ITGA2: variants seen among roughly 807,000 people sequenced by gnomAD.
ITGA2 encodes integrin subunit alpha 2.
Under a neutral mutation model 146.3 loss-of-function variants are expected in ITGA2, and 101 were observed. The observed-to-expected ratio is 0.69, with a 90% confidence interval of 0.59 to 0.81. ITGA2 has a LOEUF of 0.81. Ranked by LOEUF, ITGA2 falls within the 40% of genes least tolerant of loss-of-function variation. The pLI is 0.00. For missense variants in ITGA2, 1,281 were observed against 1,402.7 expected, an observed-to-expected ratio of 0.91 and a Z score of 1.39; for synonymous variants, 477 against 487.1, an observed-to-expected ratio of 0.98 and a Z score of 0.27.
chr5:53,017,281 G>C (rs1742437596), intron 1 of ITGA2, among the ~76,000 whole-genome samples: 1 of 152,144 alleles, frequency 6.6e-6, no homozygotes, highest in South Asian at 2.1e-4. Flanking sequence ...TATCTTCTTT[G>C]ATGCACTTGG....
At position 53,081,596 on chromosome 5, in the gene ITGA2, G is replaced by A. The variant is rs773817683; in HGVS notation, c.3044G>A (p.Gly1015Asp). 3 of 1,607,680 alleles carry A rather than the reference G, an allele frequency of 1.9e-6. No homozygotes were observed. The highest frequency in any genetic ancestry group is 3.3e-5 in the Admixed American group (2 of 59,902). The change falls in exon 26 of 30, where the codon GGT becomes GAT. Residue 1015 changes from glycine to aspartate, a missense_variant. Gly to Asp is a moderately conservative substitution (Grantham distance 94). Around this residue, in one of 3 missense-constraint regions of ITGA2, gnomAD observed 475 missense variants for 530.5 expected, o/e 0.90. Transcript: ENST00000296585. ...TCGGGTGTTCTTCTTTTATAGGCTG[G>A]TGACATCAGTTGTAATGCAGATATC... ...YLTGVQTDKAGDISCNADINP... is the reference protein window; with the variant it reads ...YLTGVQTDKADDISCNADINP...
At chr5:53,088,511 A>C (rs10058715) in intron 28 of ITGA2, among the ~76,000 whole-genome samples, 16,860 of 151,832 alleles carry the variant, frequency 0.11, 1,141 homozygotes, top group African/African-American at 0.18. Context: ...CATAGTGAAA[A>C]CCTGTCTCTA....
intron 26 of ITGA2, 123 bp downstream of exon 26, chr5:53,081,819 T>A: frequency 1.5e-6 from 1 of 677,966 alleles, no homozygotes; most frequent in Non-Finnish European, 2.6e-6. Flanking sequence ...GATGCTTATA[T>A]GAGTCAAGAT....
At chr5:53,002,807 A>G (rs1399597099) in intron 1 of ITGA2, among the ~76,000 whole-genome samples, 2 of 152,150 alleles carry the variant, frequency 1.3e-5, no homozygotes, top group African/African-American at 2.4e-5. Context: ...GAATTTACCA[A>G]TTTCATCAGC....
intron 7 of ITGA2, among the ~76,000 whole-genome samples, chr5:53,054,298 A>G (rs973675937): frequency 9.2e-5 from 14 of 152,170 alleles, no homozygotes; most frequent in African/African-American, 3.4e-4. Context: ...TACTTCATAT[A>G]AATTCATTTA....
chr5:53,008,464 T>G (rs1741966086), intron 1 of ITGA2, among the ~76,000 whole-genome samples: 1 of 151,744 alleles, frequency 6.6e-6, no homozygotes, highest in Admixed American at 6.6e-5. Context: ...ATTCAGTTTG[T>G]AACACCCCCT....
Position 53,092,550 on chromosome 5 carries a change from C to T in ITGA2, c.*1951C>T. 6.6e-6 allele frequency: 1 copy of T among 151,844 alleles called. No homozygotes were observed. Among genetic ancestry groups the T allele is most frequent in the South Asian group, 2.1e-4 (1 of 4,812 alleles). The allele number at this position is 151,844 out of a possible 1,614,324, so 9.4% of individuals were successfully genotyped here. A position where few individuals can be genotyped will look rare whatever the true frequency, so the allele number is the denominator to read the frequency against. On this transcript the variant is annotated 3_prime_UTR_variant, in exon 30 of 30. Transcript: ENST00000296585. ...ATAGAAAAAACAGCATGGTATTCTC[C>T]AGTTAGGTATGCCAGAGTCCAATTC...
intron 27 of ITGA2, among the ~76,000 whole-genome samples, chr5:53,084,895 G>C (rs1579909881): frequency 6.6e-6 from 1 of 152,286 alleles, no homozygotes; most frequent in Non-Finnish European, 1.5e-5. Context: ...ACTTTTTAAA[G>C]TACCTTCCCA....
intron 1 of ITGA2, among the ~76,000 whole-genome samples, chr5:52,998,576 G>A (rs569215358): frequency 5.3e-5 from 8 of 152,134 alleles, no homozygotes; most frequent in African/African-American, 1.9e-4. Context: ...TCTGTGCATC[G>A]TTTAAATCTT....
At chr5:52,998,687 T>C (rs1741407573) in intron 1 of ITGA2, among the ~76,000 whole-genome samples, 1 of 152,206 alleles carries the variant, frequency 6.6e-6, no homozygotes, top group Non-Finnish European at 1.5e-5. Flanking sequence ...TGTTACATTC[T>C]ATTTCAATAA....
chr5:53,075,150 G>T lies in ITGA2; in HGVS notation c.2741+13G>T. The T allele has an allele frequency of 6.2e-7, 1 of 1,607,208 alleles. No individual in the cohort carries two copies. On this transcript the variant is annotated intron_variant, in intron 22 of 29. Coordinates refer to ENST00000296585, the MANE Select transcript of ITGA2 (RefSeq NM_002203.4). ...TCCAAGCCTTAAGGTAAAACATAAT[G>T]AAGTCATGAATGGAATGATGGATAG...
At chr5:53,046,697 AGAG>A (rs1036818428) in intron 4 of ITGA2, among the ~76,000 whole-genome samples, 8 of 151,776 alleles carry the variant, frequency 5.3e-5, no homozygotes, top group African/African-American at 7.3e-5. Flanking sequence ...AGAAAGAGAG[AGAG>A]GAGGAGAAAG....
chr5:53,083,491 A>T, intron 27 of ITGA2, 38 bp downstream of exon 27: 2 of 1,207,378 alleles, frequency 1.7e-6, no homozygotes, highest in Non-Finnish European at 2.5e-6. Context: ...TATCAATAGC[A>T]AGGAAACATA....
chr5:53,048,255 T>C, intron 4 of ITGA2, 108 bp from the exon 5 acceptor site: 1 of 845,184 alleles, frequency 1.2e-6, no homozygotes, highest in Non-Finnish European at 2.0e-6. Context: ...TTGACAATTA[T>C]TAGTATCTTA....
In ITGA2 at chr5:53,090,507, T is replaced by C; in HGVS notation, c.3466-12T>C. ...CACGGGTGGTAACATTCTTATATCA[T>C]CACCTTTACAGCTCGGCTTCTTCAA... On this transcript the variant is annotated splice_polypyrimidine_tract_variant and intron_variant, in intron 29 of 29. Transcript: ENST00000296585. 1.2e-6 allele frequency: 2 copies of C among 1,612,552 alleles called. No individual in the cohort carries two copies. The highest frequency in any genetic ancestry group is 1.7e-6 in the Non-Finnish European group (2 of 1,178,730).
chr5:53,062,866 A>C lies in ITGA2; in HGVS notation c.1539A>C (p.Ala513=). Residue 513 remains alanine, a synonymous_variant, in exon 13 of 30, where the codon GCA becomes GCC. Coordinates refer to ENST00000296585, the MANE Select transcript of ITGA2 (RefSeq NM_002203.4). ...DTITDVLLVG[A]PMYMSDLKKE... is the part of the protein sequence containing the mutation. ...TTACAGACGTGCTCTTGGTAGGTGC[A>C]CCAATGTACATGAGTGACCTAAAGA... 1 of 1,611,758 alleles carries C rather than the reference A, an allele frequency of 6.2e-7. No homozygotes were observed. The highest frequency in any genetic ancestry group is 8.5e-7 in the Non-Finnish European group (1 of 1,178,460).
At chr5:53,031,554 A>G (rs1472867238) in intron 2 of ITGA2, among the ~76,000 whole-genome samples, 1 of 152,184 alleles carries the variant, frequency 6.6e-6, no homozygotes, top group Non-Finnish European at 1.5e-5. Context: ...TTATGGGCAT[A>G]TTTACATCAG....
At chr5:53,029,231 C>T (rs1743106364) in intron 2 of ITGA2, among the ~76,000 whole-genome samples, 1 of 152,174 alleles carries the variant, frequency 6.6e-6, no homozygotes, top group Admixed American at 6.5e-5. Context: ...AAGATCAAGC[C>T]ACTGCACTCT....
In ITGA2 at chr5:53,048,653, C is replaced by G. The variant is rs748243210; in HGVS notation, c.513C>G (p.Ser171=). 6.2e-7 allele frequency: 1 copy of G among 1,613,950 alleles called. No individual in the cohort carries two copies. Among genetic ancestry groups the G allele is most frequent in the African/African-American group, 1.3e-5 (1 of 74,914 alleles). ...SFSPATQPCP[S]LIDVVVVCDE... Reference sequence around the variant, plus strand: ...TCTTTTCCTGTGTAGCCTGCCCTTCCCTCATAGATGTTGTGGTTGTGTGTG... The same window carrying G: ...TCTTTTCCTGTGTAGCCTGCCCTTCGCTCATAGATGTTGTGGTTGTGTGTG... Residue 171 remains serine, a synonymous_variant, in exon 6 of 30, where the codon TCC becomes TCG. Coordinates refer to ENST00000296585, the MANE Select transcript of ITGA2 (RefSeq NM_002203.4).
Sources: allele counts gnomAD v4.1 joint callset (sites outside exome capture counted in the v4.1 genomes callset), GRCh38; gene constraint gnomAD v4.1.1; regional missense constraint gnomAD v4.1.1; transcripts MANE v1.5; gene names NCBI Gene and HGNC (gene_info 2026-07-23, HGNC 2026-07-21).